The following MYH9 variants were observed in gnomAD, a reference collection of about 807,000 sequenced individuals.
The protein encoded by MYH9 is myosin heavy chain 9.
A neutral mutation model predicts 241.9 loss-of-function variants in MYH9; 29 were observed. The ratio of observed to expected loss-of-function variants is 0.12; its 90% CI spans 0.09 to 0.16. The LOEUF is 0.16. Ranked by LOEUF, MYH9 falls within the 10% of genes least tolerant of loss-of-function variation. The probability of loss-of-function intolerance (pLI) is 1.00; values close to 1 mark genes in which losing one functional copy is unlikely to be tolerated. For synonymous variants in MYH9, 1,047 were observed against 1,062.6 expected (o/e 0.99, Z 0.29); for missense variants, 1,803 against 2,595.5 (o/e 0.69, Z 6.63).
intron 1 of MYH9, among the ~76,000 whole-genome samples, chr22:36,353,268 G>A (rs753630660): frequency 2.0e-5 from 3 of 152,154 alleles, no homozygotes; most frequent in Admixed American, 6.5e-5. Context: ...TAAGGGGCAC[G>A]ACAGCGGGAT....
At chr22:36,345,423 T>A (rs2017662679) in intron 2 of MYH9, among the ~76,000 whole-genome samples, 1 of 151,316 alleles carries the variant, frequency 6.6e-6, no homozygotes, top group Non-Finnish European at 1.5e-5. Flanking sequence ...TTGAACCAGG[T>A]CCTCGAGGCT....
At chr22:36,318,360 A>T (rs771087766) in intron 10 of MYH9, 35 bp from the exon 11 acceptor site, 1 of 1,497,382 alleles carries the variant, frequency 6.7e-7, no homozygotes, top group South Asian at 1.1e-5. Flanking sequence ...AGGGACAAAA[A>T]GTCCTAATTA....
In MYH9 at chr22:36,292,009, T is replaced by C; in HGVS notation, c.4321A>G (p.Lys1441Glu). Residue 1441 changes from lysine (K) to glutamate (E), a missense_variant, in exon 31 of 41, where the codon AAG becomes GAG. By Grantham distance (56) the Lys-to-Glu change is moderately conservative. Transcript: ENST00000216181. ...HQRQSACNLE[K>E]KQKKFDQLLA... The stretch of plus-strand genomic sequence containing the variant: ...ACCTGGTCAAACTTCTTCTGCTTCT[T>C]CTCCAGGTTGCACGCGCTCTGGCGC... 6.2e-7 allele frequency: 1 copy of C among 1,614,228 alleles called. No individual in the cohort carries two copies. The highest frequency in any genetic ancestry group is 8.5e-7 in the Non-Finnish European group (1 of 1,180,042).
intron 5 of MYH9, chr22:36,325,015 C>G: frequency 1.4e-6 from 1 of 736,930 alleles, no homozygotes; most frequent in South Asian, 1.5e-5. Context: ...CAGTCACATA[C>G]TAGGCAGTCA....
chr22:36,333,888 C>T (rs950940465), intron 3 of MYH9, among the ~76,000 whole-genome samples: 3 of 152,220 alleles, frequency 2.0e-5, no homozygotes, highest in East Asian at 1.9e-4. Flanking sequence ...GCCAAAAGCA[C>T]GAAGTGGCTT....
chr22:36,348,022 T>A (rs888304497), intron 2 of MYH9, among the ~76,000 whole-genome samples: 2 of 148,282 alleles, frequency 1.3e-5, no homozygotes, highest in South Asian at 4.2e-4. Flanking sequence ...AAATATCTTT[T>A]AAAATATTTC....
chr22:36,293,778 G>A lies in MYH9; in HGVS notation c.3923C>T (p.Ser1308Phe), dbSNP rs1368404364. The change falls in exon 29 of 41, where the codon TCC (serine) becomes TTC (phenylalanine). Residue 1308 changes from serine to phenylalanine, a missense_variant. Ser to Phe is a radical substitution (Grantham distance 155). Transcript: ENST00000216181. The surrounding 1 kb of genome is among the most constrained non-coding windows in gnomAD (Gnocchi z 5.1). ...CCCTACCTGAGTGTCCTGCAGCTGG[G>A]ACTCCAGCGCGGAGAAGTCCTTGGT... ...KLTKDFSALE[S>F]QLQDTQELLQ... 6.2e-7 allele frequency: 1 copy of A among 1,613,838 alleles called. No individual in the cohort carries two copies.
intron 12 of MYH9, among the ~76,000 whole-genome samples, chr22:36,315,575 C>T (rs2017136536): frequency 6.6e-6 from 1 of 152,094 alleles, no homozygotes; most frequent in African/African-American, 2.4e-5. Context: ...TGGCAAAACC[C>T]CATCCGTACA....
rs756236810 is a variant in MYH9 at position 36,288,305 on chromosome 22, C to T, written c.4879G>A (p.Asp1627Asn). 2.9e-5 allele frequency: 46 copies of T among 1,613,998 alleles called. No individual in the cohort carries two copies. The South Asian group carries it at 4.0e-4, about 14-fold the overall frequency. Residue 1627 changes from aspartate (D) to asparagine (N), a missense_variant, in exon 34 of 41, where the codon GAC becomes AAC. Physicochemically the swap from Asp to Asn is conservative, Grantham distance 23. Coordinates refer to ENST00000216181, the MANE Select transcript of MYH9 (RefSeq NM_002473.6). This position sits in a 1 kb window ranked among gnomAD's most constrained non-coding sequence, Gnocchi z 4.8. ...TCGTCCCGGTTCTTGTTGGCCGAGT[C>T]GATGTGCGCCTCCAGGTCCTTCAGG... is the stretch of plus-strand genomic sequence containing the variant. The part of the protein sequence containing the change: ...MDLKDLEAHI[D>N]SANKNRDEAI...
At chr22:36,326,443 A>G in intron 5 of MYH9, 125 bp downstream of exon 5, 1 of 941,468 alleles carries the variant, frequency 1.1e-6, no homozygotes, top group Non-Finnish European at 1.7e-6. Flanking sequence ...AAATGGGCCC[A>G]GCCTCTGCTT....
intron 1 of MYH9, among the ~76,000 whole-genome samples, chr22:36,359,616 C>G (rs1385254194): frequency 1.3e-5 from 2 of 152,240 alleles, no homozygotes; most frequent in African/African-American, 2.4e-5. Flanking sequence ...TCAACCATCT[C>G]TGTTTTCTAG....
Position 36,286,787 on chromosome 22 carries a change from G to C in MYH9, c.4992C>G (p.Ile1664Met). The C allele has an allele frequency of 6.2e-7, 1 of 1,612,808 alleles. No individual in the cohort carries two copies. Among genetic ancestry groups the C allele is most frequent in the Non-Finnish European group, 8.5e-7 (1 of 1,180,030 alleles). Residue 1664 changes from isoleucine (I) to methionine (M), a missense_variant, in exon 35 of 41, where the codon ATC becomes ATG. By Grantham distance (10) the Ile-to-Met change is conservative. Around this residue, in one of 11 missense-constraint regions of MYH9, gnomAD observed 876 missense variants for 1,077.8 expected, o/e 0.81. Coordinates refer to ENST00000216181, the MANE Select transcript of MYH9 (RefSeq NM_002473.6). ...TCTCGTTCTCTTTGGCCTGGGCCAG[G>C]ATCTCCTCACGAGAGGCGCGGGTGT... ...LDDTRASREE[I>M]LAQAKENEKK...
At position 36,330,807 on chromosome 22, in the gene MYH9, C is replaced by G. The variant is rs557612698; in HGVS notation, c.491-3319G>C. ...TTATTTGAAAACGCCCTTCCTTCCT[C>G]TAAACGGGAGGAGGCCGCCAGGGAC... is the stretch of plus-strand genomic sequence containing the variant. On this transcript the variant is annotated intron_variant, in intron 3 of 40. Transcript: ENST00000216181. This position sits in a 1 kb window ranked among gnomAD's most constrained non-coding sequence, Gnocchi z 4.5. 9.9e-5 allele frequency among the ~76,000 whole-genome samples: 15 copies of G among 152,158 alleles called. No individual in the cohort carries two copies. The highest frequency in any genetic ancestry group is 9.8e-4 in the Admixed American group (15 of 15,278).
intron 31 of MYH9, among the ~76,000 whole-genome samples, chr22:36,291,156 G>A (rs1254062842): frequency 6.6e-6 from 1 of 151,922 alleles, no homozygotes; most frequent in Non-Finnish European, 1.5e-5. Flanking sequence ...CCTCTGCCAG[G>A]CCACCACCCC....
At chr22:36,316,738 C>T in intron 11 of MYH9, 69 bp from the exon 12 acceptor site, 1 of 1,589,382 alleles carries the variant, frequency 6.3e-7, no homozygotes, top group Non-Finnish European at 8.6e-7. Context: ...CCCTATGCCC[C>T]AGTAATTTCA....
chr22:36,339,989 T>TA (rs1414007844), intron 3 of MYH9, among the ~76,000 whole-genome samples: 4 of 151,982 alleles, frequency 2.6e-5, no homozygotes, highest in African/African-American at 2.4e-5. Flanking sequence ...GTCATGTTTT[T>TA]AAAAAAAGAA....
Position 36,306,553 on chromosome 22 carries a change from G to A in MYH9, c.1898C>T (p.Pro633Leu), listed in dbSNP as rs1164585870. 6.2e-7 allele frequency: 1 copy of A among 1,613,880 alleles called. No individual in the cohort carries two copies. The highest frequency in any genetic ancestry group is 8.5e-7 in the Non-Finnish European group (1 of 1,180,050). The stretch of plus-strand genomic sequence containing the variant: ...GCCCTTCCGCGTCTTGAAGGCCCCG[G>A]GCAGTGCGGTCTCCGACATGCCGGC... ...QVAGMSETAL[P>L]GAFKTRKGMF... Residue 633 changes from proline (P) to leucine (L), a missense_variant, in exon 16 of 41, where the codon CCC (proline) becomes CTC (leucine). Pro to Leu is a moderately conservative substitution (Grantham distance 98, BLOSUM62 -3). Coordinates refer to ENST00000216181, the MANE Select transcript of MYH9 (RefSeq NM_002473.6). This position sits in a 1 kb window ranked among gnomAD's most constrained non-coding sequence, Gnocchi z 4.1.
In MYH9 at chr22:36,324,907, G is replaced by A. The variant is rs1603483532; in HGVS notation, c.612+1661C>T. On this transcript the variant is annotated intron_variant, in intron 5 of 40. Transcript: ENST00000216181. ...GAGTGCTGCCTTCCCCTCTACAACA[G>A]GAACCCCAGATGTAAGGCATATGAT... 6.6e-6 allele frequency: 4 copies of A among 601,840 alleles called. No homozygotes were observed. In the East Asian group the frequency reaches 1.1e-4, roughly 17 times the overall value. The allele number at this position is 601,840 out of a possible 1,614,324, so 37.3% of individuals were successfully genotyped here.
At chr22:36,345,346 C>A (rs1364191963) in intron 2 of MYH9, among the ~76,000 whole-genome samples, 1 of 150,846 alleles carries the variant, frequency 6.6e-6, no homozygotes, top group East Asian at 1.9e-4. Context: ...CCATGGAATC[C>A]TCGCAGATGA....
Sources: allele counts gnomAD v4.1 joint callset (sites outside exome capture counted in the v4.1 genomes callset), GRCh38; gene constraint gnomAD v4.1.1; regional missense constraint gnomAD v4.1.1; non-coding constraint Gnocchi (gnomAD v3.1); transcripts MANE v1.5; gene names NCBI Gene and HGNC (gene_info 2026-07-23, HGNC 2026-07-21).